Variants in DNAH5 observed in about 807,000 individuals in gnomAD.
DNAH5 encodes dynein axonemal heavy chain 5, also known as axonemal beta dynein heavy chain 5.
A neutral mutation model predicts 518.2 loss-of-function variants in DNAH5; 372 were observed. That is an observed-to-expected ratio of 0.72 (90% CI 0.66 to 0.78). The LOEUF is 0.78. Among genes scored for constraint, DNAH5 ranks in the 30% least tolerant of loss-of-function variants. The pLI is 0.00. For missense variants in DNAH5, 5,523 were observed against 5,687.0 expected, an observed-to-expected ratio of 0.97 and a Z score of 0.93; for synonymous variants, 2,039 against 2,025.9, an observed-to-expected ratio of 1.01 and a Z score of -0.17.
In DNAH5 at chr5:13,886,120, C is replaced by T. The variant is rs1186136394; in HGVS notation, c.2587G>A (p.Val863Ile). The T allele has an allele frequency of 1.5e-6, 2 of 1,339,870 alleles. No individual in the cohort carries two copies. Among genetic ancestry groups the T allele is most frequent in the African/African-American group, 1.7e-5 (1 of 59,376 alleles). 83.0% of individuals were successfully genotyped at this position (1,339,870 alleles called of 1,614,324 possible). A position where few individuals can be genotyped will look rare whatever the true frequency, so the allele number is the denominator to read the frequency against. The stretch of plus-strand genomic sequence containing the variant: ...AAATGTAGTATTTGTGCACCATTTA[C>T]ACAAAGATCCTAACCAAAAAAAAAA... ...EFLQMTKDLCVNGAQILHFKS... is the reference protein window; with the variant it reads ...EFLQMTKDLCINGAQILHFKS... The change falls in exon 18 of 79, where the codon GTA (valine) becomes ATA (isoleucine). Residue 863 changes from valine (V) to isoleucine (I), a missense_variant. Coordinates refer to ENST00000265104, the MANE Select transcript of DNAH5 (RefSeq NM_001369.3).
intron 71 of DNAH5, 131 bp from the exon 72 acceptor site, chr5:13,719,232 A>T (rs1744723175): frequency 1.4e-5 from 11 of 790,778 alleles, no homozygotes; most frequent in Non-Finnish European, 2.3e-5. Flanking sequence ...AATCCAGGTC[A>T]AATCTAAGAA....
Position 13,850,825 on chromosome 5 carries a change from C to A in DNAH5, c.4951-10G>T. 1 of 1,613,902 alleles carries A rather than the reference C, an allele frequency of 6.2e-7. No individual in the cohort carries two copies. The highest frequency in any genetic ancestry group is 1.1e-5 in the South Asian group (1 of 91,054). ...AAAACCGCTTGGCTTCCTATGAGAA[C>A]AAGGTAACAAAGCACACTTAGATTT... On this transcript the variant is annotated splice_polypyrimidine_tract_variant and intron_variant, in intron 30 of 78. Coordinates refer to ENST00000265104, the MANE Select transcript of DNAH5 (RefSeq NM_001369.3).
intron 75 of DNAH5, among the ~76,000 whole-genome samples, chr5:13,708,997 C>A (rs539978208): frequency 3.3e-5 from 5 of 152,324 alleles, no homozygotes; most frequent in Admixed American, 2.6e-4. Flanking sequence ...CACTTCCTAA[C>A]TATTTCAACC....
At position 13,922,249 on chromosome 5, in the gene DNAH5, A is replaced by G; in HGVS notation, c.518T>C (p.Ile173Thr). Residue 173 changes from isoleucine (I) to threonine (T), a missense_variant, in exon 5 of 79, where the codon ATT (isoleucine) becomes ACT (threonine). Ile to Thr is a moderately conservative substitution (Grantham distance 89, BLOSUM62 -1). This residue lies in a region of DNAH5 where 5,121 missense variants were observed against 5,223.3 expected (regional missense o/e 0.98). Transcript: ENST00000265104. ...ATGGCTCGTGGCTCTGAGAGCAGGA[A>G]TGAAGATGTCCGACAGCAAACGTCT... is the stretch of plus-strand genomic sequence containing the variant. ...SVRRLLSDIF[I>T]PALRATSHGW... 6.2e-7 allele frequency: 1 copy of G among 1,614,108 alleles called. No homozygotes were observed. The highest frequency in any genetic ancestry group is 8.5e-7 in the Non-Finnish European group (1 of 1,180,004).
chr5:13,879,085 G>T (rs111455582), intron 21 of DNAH5, among the ~76,000 whole-genome samples: 2 of 152,086 alleles, frequency 1.3e-5, no homozygotes, highest in African/African-American at 2.4e-5. Flanking sequence ...CTGGTTAGTC[G>T]AAATAGTGAG....
At chr5:13,933,931 T>C (rs577664710) in intron 1 of DNAH5, among the ~76,000 whole-genome samples, 42 of 152,274 alleles carry the variant, frequency 2.8e-4, no homozygotes, top group Non-Finnish European at 4.9e-4. Flanking sequence ...AGGATATCTT[T>C]AGGGATTGTG....
intron 30 of DNAH5, among the ~76,000 whole-genome samples, chr5:13,856,817 C>A (rs1167929036): frequency 6.6e-6 from 1 of 152,014 alleles, no homozygotes; most frequent in Non-Finnish European, 1.5e-5. Context: ...AACATCCTTT[C>A]ATGCTAAAAA....
intron 1 of DNAH5, among the ~76,000 whole-genome samples, chr5:13,951,812 A>G (rs970512565): frequency 5.3e-5 from 8 of 152,198 alleles, no homozygotes; most frequent in Admixed American, 2.6e-4. Flanking sequence ...CTGTTATCAC[A>G]GCTGTGTTAG....
At position 13,842,483 on chromosome 5, in the gene DNAH5, G is replaced by GAAAGAA. The variant is rs78049687; in HGVS notation, c.5272-580_5272-579insTTCTTT. Among the ~76,000 whole-genome samples, 367 of 78,362 alleles carry GAAAGAA rather than the reference G, an allele frequency of 4.7e-3. 44 individuals are homozygous for GAAAGAA. The highest frequency in any genetic ancestry group is 0.017 in the African/African-American group (331 of 19,258). The allele number at this position is 78,362 out of a possible 152,430, so 51.4% of individuals were successfully genotyped here. A position where few individuals can be genotyped will look rare whatever the true frequency, so the allele number is the denominator to read the frequency against. On this transcript the variant is annotated intron_variant, in intron 32 of 78. Transcript: ENST00000265104. ...AGAAAGAAAGAAAGAAAGAAAGAAA[G>GAAAGAA]AGAAAGAAAAGAAAGAAAGAAAGAA...
chr5:13,721,135 G>A lies in DNAH5; in HGVS notation c.12144C>T (p.Leu4048=). ...CTGTGGGGTCTGAGCCCATAGACAG[G>A]AGACAGATGAGTGGCGTCCGTGGAT... ...ESDPRTPLIC[L]LSMGSDPTDS... Residue 4048 remains leucine (L), a synonymous_variant, in exon 71 of 79, where the codon CTC becomes CTT. Transcript: ENST00000265104. 6.2e-7 allele frequency: 1 copy of A among 1,614,112 alleles called. No homozygotes were observed. The highest frequency in any genetic ancestry group is 2.2e-5 in the East Asian group (1 of 44,872).
intron 55 of DNAH5, among the ~76,000 whole-genome samples, chr5:13,774,599 C>G (rs1056098607): frequency 2.6e-5 from 4 of 152,000 alleles, no homozygotes; most frequent in African/African-American, 9.7e-5. Context: ...TTGAGTCTGT[C>G]CAATAACATC....
chr5:13,722,611 T>C (rs989586027), intron 70 of DNAH5, among the ~76,000 whole-genome samples: 7 of 152,210 alleles, frequency 4.6e-5, no homozygotes, highest in Non-Finnish European at 7.3e-5. Context: ...AGCTTCATCA[T>C]TCATATAGCC....
intron 6 of DNAH5, 61 bp from the exon 7 acceptor site, chr5:13,919,413 A>C: frequency 1.3e-6 from 2 of 1,582,566 alleles, no homozygotes; most frequent in Non-Finnish European, 1.7e-6. Context: ...TAAAGTTATA[A>C]ACAAGCAAAA....
intron 42 of DNAH5, 74 bp downstream of exon 42, chr5:13,817,474 A>G (rs1360021013): frequency 6.9e-7 from 1 of 1,455,914 alleles, no homozygotes; most frequent in Non-Finnish European, 9.6e-7. Context: ...CAGTTGTTCT[A>G]CTAATTCTGT....
At chr5:13,780,411 T>A (rs982178759) in intron 53 of DNAH5, among the ~76,000 whole-genome samples, 1 of 152,216 alleles carries the variant, frequency 6.6e-6, no homozygotes, top group African/African-American at 2.4e-5. Flanking sequence ...AGCCACAGCT[T>A]GACACATAGG....
rs183233001 is a variant in DNAH5, at chr5:13,973,304, G to A, written c.12+38344C>T. Among the ~76,000 whole-genome samples the A allele has an allele frequency of 9.2e-5, 14 of 152,298 alleles. No homozygotes were observed. The East Asian group carries it at 1.3e-3, about 15-fold the overall frequency. Reference sequence around the variant, plus strand: ...ACTGCCAGCATTTTGATTTTAGCCCGGTAAAACTGACTTTGGACTCCTGCC... The same window carrying A: ...ACTGCCAGCATTTTGATTTTAGCCCAGTAAAACTGACTTTGGACTCCTGCC... On this transcript the variant is annotated intron_variant, in intron 1 of 78. Transcript: ENST00000681290.
chr5:13,819,958 G>T (rs1761996472), intron 41 of DNAH5, among the ~76,000 whole-genome samples: 1 of 152,068 alleles, frequency 6.6e-6, no homozygotes, highest in Admixed American at 6.5e-5. Flanking sequence ...TGGGAAAACT[G>T]GGCTTTTTTT....
intron 10 of DNAH5, 92 bp downstream of exon 10, chr5:13,914,428 C>G: frequency 7.1e-7 from 1 of 1,401,346 alleles, no homozygotes; most frequent in Non-Finnish European, 9.9e-7. Context: ...TTTTATCAAC[C>G]AATGATATAA....
chr5:13,738,987 G>A (rs369126180), intron 65 of DNAH5, among the ~76,000 whole-genome samples: 11 of 152,120 alleles, frequency 7.2e-5, no homozygotes, highest in Non-Finnish European at 1.2e-4. Flanking sequence ...AGTAAAATAC[G>A]GGGAAACCAG....
Sources: gnomAD v4.1 joint callset for allele counts (sites outside exome capture counted in the v4.1 genomes callset) on GRCh38, gnomAD v4.1.1 for gene constraint, gnomAD v4.1.1 regional missense constraint, MANE v1.5 for transcripts, NCBI Gene and HGNC (gene_info 2026-07-23, HGNC 2026-07-21) for gene names.